STAU2: variants seen among roughly 807,000 people sequenced by gnomAD.
The protein encoded by STAU2 is double-stranded RNA-binding protein Staufen homolog 2.
A neutral mutation model predicts 65.9 loss-of-function variants in STAU2; 20 were observed. That is an observed-to-expected ratio of 0.30 (90% CI 0.21 to 0.44). The LOEUF (loss-of-function observed/expected upper bound fraction) is 0.44. Ranked by LOEUF, STAU2 falls within the 20% of genes least tolerant of loss-of-function variation. The pLI is 1.00. For missense variants in STAU2, 558 were observed against 683.9 expected (o/e 0.82, Z 2.05); for synonymous variants, 232 against 233.9 (o/e 0.99, Z 0.07).
chr8:73,593,089 C>T (rs913861540), intron 11 of STAU2, among the ~76,000 whole-genome samples: 2 of 152,154 alleles, frequency 1.3e-5, no homozygotes, highest in Admixed American at 6.5e-5. Flanking sequence ...TTACCCATTA[C>T]ATTTGTGAAA....
At chr8:73,666,336 T>C (rs1817241274) in intron 6 of STAU2, among the ~76,000 whole-genome samples, 1 of 152,244 alleles carries the variant, frequency 6.6e-6, no homozygotes, top group Non-Finnish European at 1.5e-5. Context: ...TTAATTTTAC[T>C]GATAATTAAC....
chr8:73,731,337 A>C (rs1806055045), intron 3 of STAU2, among the ~76,000 whole-genome samples: 1 of 152,082 alleles, frequency 6.6e-6, no homozygotes, highest in African/African-American at 2.4e-5. Flanking sequence ...CTGTAATTCT[A>C]ATCGCCTTGA....
intron 3 of STAU2, among the ~76,000 whole-genome samples, chr8:73,721,134 A>AC (rs1475493878): frequency 6.7e-6 from 1 of 150,002 alleles, no homozygotes; most frequent in Non-Finnish European, 1.5e-5. Context: ...AAAAAAAAAA[A>AC]AGAATATTAG....
intron 10 of STAU2, among the ~76,000 whole-genome samples, chr8:73,597,696 GA>G (rs1811307238): frequency 9.0e-6 from 1 of 110,914 alleles, no homozygotes; most frequent in Non-Finnish European, 1.9e-5. Flanking sequence ...AAAAAAAAAG[GA>G]ATACTGAGAG....
chr8:73,501,059 A>G (rs942497670), intron 13 of STAU2, among the ~76,000 whole-genome samples: 9 of 151,934 alleles, frequency 5.9e-5, no homozygotes, highest in Middle Eastern at 3.2e-3. Flanking sequence ...ATGCATCACT[A>G]ATGATGTACA....
At chr8:73,630,950 T>G (rs774312595) in intron 6 of STAU2, among the ~76,000 whole-genome samples, 6 of 152,200 alleles carry the variant, frequency 3.9e-5, no homozygotes, top group Non-Finnish European at 8.8e-5. Context: ...GACTTTCATT[T>G]CACACGCTCA....
chr8:73,692,950 A>G (rs1819435752), intron 4 of STAU2, among the ~76,000 whole-genome samples: 1 of 150,670 alleles, frequency 6.6e-6, no homozygotes, highest in Non-Finnish European at 1.5e-5. Context: ...ACTTGAGCTC[A>G]GAAGTTCGAG....
chr8:73,642,479 C>T (rs1815062265), intron 6 of STAU2, among the ~76,000 whole-genome samples: 2 of 151,902 alleles, frequency 1.3e-5, no homozygotes, highest in African/African-American at 4.8e-5. Context: ...GCCAAGATCG[C>T]GCCACTGCAC....
intron 13 of STAU2, among the ~76,000 whole-genome samples, chr8:73,485,850 A>G (rs1396869008): frequency 6.6e-6 from 1 of 152,064 alleles, no homozygotes; most frequent in Non-Finnish European, 1.5e-5. Context: ...ACAAACAAAC[A>G]AACAAAACCA....
intron 13 of STAU2, among the ~76,000 whole-genome samples, chr8:73,470,745 A>T (rs1819947778): frequency 6.6e-6 from 1 of 152,092 alleles, no homozygotes; most frequent in Non-Finnish European, 1.5e-5. Flanking sequence ...TTGTGGCTGC[A>T]ATGAGCTATG....
At chr8:73,539,051 G>A (rs1263856250) in intron 13 of STAU2, among the ~76,000 whole-genome samples, 2 of 152,158 alleles carry the variant, frequency 1.3e-5, no homozygotes, top group Non-Finnish European at 2.9e-5. Context: ...AGTCAGGAGA[G>A]GCTACTGCCC....
At chr8:73,651,221 A>C in intron 6 of STAU2, 2 of 801,962 alleles carry the variant, frequency 2.5e-6, no homozygotes, top group Non-Finnish European at 4.1e-6. Context: ...AGGTCCTCAA[A>C]TCTGCCTCCG....
intron 6 of STAU2, among the ~76,000 whole-genome samples, chr8:73,658,336 C>A (rs370716339): frequency 6.6e-6 from 1 of 151,902 alleles, no homozygotes; most frequent in South Asian, 2.1e-4. Flanking sequence ...CTATTGCATT[C>A]CAGCCTGGGC....
At chr8:73,461,101 C>T (rs1023236423) in intron 13 of STAU2, among the ~76,000 whole-genome samples, 6 of 152,162 alleles carry the variant, frequency 3.9e-5, no homozygotes, top group African/African-American at 1.4e-4. Context: ...GTCAGACCAA[C>T]CTGGCCTGAA....
At chr8:73,612,175 A>G (rs1220434765) in intron 9 of STAU2, among the ~76,000 whole-genome samples, 2 of 152,198 alleles carry the variant, frequency 1.3e-5, no homozygotes, top group African/African-American at 2.4e-5. Flanking sequence ...ATAAACATAA[A>G]ATGTGAATAG....
intron 13 of STAU2, among the ~76,000 whole-genome samples, chr8:73,445,731 C>A (rs376976872): frequency 6.6e-6 from 1 of 152,148 alleles, no homozygotes; most frequent in Non-Finnish European, 1.5e-5. Flanking sequence ...AGAGGATTTA[C>A]GGATGGCAAA....
chr8:73,523,286 T>C (rs1823157678), intron 13 of STAU2, among the ~76,000 whole-genome samples: 1 of 151,446 alleles, frequency 6.6e-6, no homozygotes. Context: ...GGCTATGGGT[T>C]AAATTTAGTG....
chr8:73,731,190 C>A (rs372418616), intron 3 of STAU2, among the ~76,000 whole-genome samples: 41 of 152,270 alleles, frequency 2.7e-4, no homozygotes, highest in African/African-American at 9.6e-4. Context: ...AATCAGAACT[C>A]AGCAAAAGAC....
intron 6 of STAU2, among the ~76,000 whole-genome samples, chr8:73,623,034 C>G (rs949814069): frequency 6.6e-6 from 1 of 152,204 alleles, no homozygotes; most frequent in Non-Finnish European, 1.5e-5. Flanking sequence ...AGCCTATCTT[C>G]AAGATACCAC....
Sources: gnomAD v4.1 joint callset for allele counts (sites outside exome capture counted in the v4.1 genomes callset) on GRCh38, gnomAD v4.1.1 for gene constraint, MANE v1.5 for transcripts, NCBI Gene and HGNC (gene_info 2026-07-23, HGNC 2026-07-21) for gene names.